Variants in ERO1A observed in about 807,000 individuals in gnomAD.
ERO1A encodes endoplasmic reticulum oxidoreductase 1 alpha.
A neutral mutation model predicts 76.9 loss-of-function variants in ERO1A; 49 were observed. That is an observed-to-expected ratio of 0.64 (90% CI 0.51 to 0.81). The LOEUF (loss-of-function observed/expected upper bound fraction) is 0.81. ERO1A is among the 30% of genes least tolerant of loss of function. ERO1A has a pLI of 0.00. For synonymous variants in ERO1A, 174 were observed against 181.2 expected, an observed-to-expected ratio of 0.96 and a Z score of 0.32; for missense variants, 448 against 542.1, an observed-to-expected ratio of 0.83 and a Z score of 1.72.
At chr14:52,672,330 C>A (rs1046187762) in intron 4 of ERO1A, 1 of 152,198 alleles carries the variant, frequency 6.6e-6, no homozygotes, top group Non-Finnish European at 1.5e-5. Flanking sequence ...AACATTCTCT[C>A]TTTAGGTAAA....
intron 11 of ERO1A, among the ~76,000 whole-genome samples, chr14:52,655,423 T>C (rs530234515): frequency 2.0e-5 from 3 of 152,290 alleles, no homozygotes; most frequent in South Asian, 2.1e-4. Flanking sequence ...AGAAAATATA[T>C]CATAGAAATT....
At position 52,642,626 on chromosome 14, in the gene ERO1A, G is replaced by C. The variant is rs1166960780; in HGVS notation, c.*944C>G. ...CTATAACTGACTTTCAAATGATTGA[G>C]GAAAAATTTGTGTGTGTGTGTGTGT... On this transcript the variant is annotated 3_prime_UTR_variant, in exon 16 of 16. Transcript: ENST00000395686. 1 of 151,970 alleles carries C rather than the reference G, an allele frequency of 6.6e-6. No homozygotes were observed. The highest frequency in any genetic ancestry group is 2.4e-5 in the African/African-American group (1 of 41,174). 9.4% of individuals were successfully genotyped at this position (151,970 alleles called of 1,614,324 possible). A position where few individuals can be genotyped will look rare whatever the true frequency, so the allele number is the denominator to read the frequency against.
chr14:52,688,112 G>A (rs768449902), intron 1 of ERO1A, among the ~76,000 whole-genome samples: 83 of 152,030 alleles, frequency 5.5e-4, no homozygotes, highest in Non-Finnish European at 9.4e-4. Flanking sequence ...CTTGAGCCAG[G>A]GAGGTTGAGG....
At chr14:52,665,068 G>A (rs1463438775) in intron 7 of ERO1A, among the ~76,000 whole-genome samples, 2 of 151,812 alleles carry the variant, frequency 1.3e-5, no homozygotes, top group South Asian at 2.1e-4. Flanking sequence ...TTGGGAGGCC[G>A]AGGTGGGTGG....
At chr14:52,689,494 T>G (rs2041286095) in intron 1 of ERO1A, among the ~76,000 whole-genome samples, 1 of 151,630 alleles carries the variant, frequency 6.6e-6, no homozygotes, top group Admixed American at 6.6e-5. Context: ...ACACTAACAA[T>G]GAACTATCCA....
At chr14:52,670,320 A>G (rs1482956531) in intron 6 of ERO1A, among the ~76,000 whole-genome samples, 1 of 152,262 alleles carries the variant, frequency 6.6e-6, no homozygotes, top group Admixed American at 6.5e-5. Flanking sequence ...AACTTAGAAA[A>G]AGGAAATACT....
At position 52,671,693 on chromosome 14, in the gene ERO1A, G is replaced by A; in HGVS notation, c.445C>T (p.Gln149Ter). 1 of 1,604,442 alleles carries A rather than the reference G, an allele frequency of 6.2e-7. No homozygotes were observed. Among genetic ancestry groups the A allele is most frequent in the African/African-American group, 1.3e-5 (1 of 74,828 alleles). Residue 149 changes from glutamine to a stop codon, truncating the protein, a stop_gained, in exon 6 of 16, where the codon CAG becomes TAG. Coordinates refer to ENST00000395686, the MANE Select transcript of ERO1A (RefSeq NM_014584.3). LOFTEE classifies it high-confidence loss of function. ...AVDESLSEET[Q>*]KAVLQWTKHD... ...TTGGTCCACTGAAGAACAGCCTTCT[G>A]TGTTTCCTCACTTCAAACAAAGAAA...
chr14:52,644,841 C>G (rs1035005787), intron 15 of ERO1A, among the ~76,000 whole-genome samples: 1 of 152,008 alleles, frequency 6.6e-6, no homozygotes, highest in Non-Finnish European at 1.5e-5. Flanking sequence ...ACAGAATAAT[C>G]AATGAAATAT....
rs71267893 is a variant in ERO1A at position 52,677,864 on chromosome 14, TAAAAAAAAAAA to T, written c.357+559_357+569del. 6.9e-5 allele frequency among the ~76,000 whole-genome samples: 6 copies of T among 87,138 alleles called. No individual in the cohort carries two copies. The South Asian group carries it at 2.2e-3, about 32-fold the overall frequency. 57.2% of individuals were successfully genotyped at this position (87,138 alleles called of 152,430 possible). A position where few individuals can be genotyped will look rare whatever the true frequency, so the allele number is the denominator to read the frequency against. Reference sequence around the variant, plus strand: ...GACAACAGAGCCAGACCTTTTATCTTAAAAAAAAAAAAAAAAAAAAAAAAAATTAAAGAACT... The same window carrying T: ...GACAACAGAGCCAGACCTTTTATCTTAAAAAAAAAAAAAAATTAAAGAACT... On this transcript the variant is annotated intron_variant, in intron 4 of 15. Transcript: ENST00000395686.
Position 52,693,293 on chromosome 14 carries a change from A to G in ERO1A, c.114+2075T>C, listed in dbSNP as rs116026650. 5.2e-3 allele frequency among the ~76,000 whole-genome samples: 794 copies of G among 152,156 alleles called. 15 individuals carry two copies. The highest frequency in any genetic ancestry group is 0.018 in the African/African-American group (756 of 41,498). ...AATCTAATCACCTGCCAGCATGGCT[A>G]GAATATAAGCAGGCAGAAAAACGTG... is the stretch of plus-strand genomic sequence containing the variant. On this transcript the variant is annotated intron_variant, in intron 1 of 15. Transcript: ENST00000395686.
chr14:52,695,398 C>CG lies in ERO1A; in HGVS notation c.83dup (p.Glu29GlyfsTer12). 6.5e-7 allele frequency: 1 copy of CG among 1,535,752 alleles called. No individual in the cohort carries two copies. ...AGAAGCACCTCTGTGCCGCTGTCTC[C>CG]GGGGGCTGCTCCTCTCCGTGGCCCG... is the stretch of plus-strand genomic sequence containing the variant. On this transcript the variant is annotated frameshift_variant, in exon 1 of 16. Coordinates refer to ENST00000395686, the MANE Select transcript of ERO1A (RefSeq NM_014584.3). LOFTEE classifies it high-confidence loss of function.
chr14:52,692,011 T>C (rs895372084), intron 1 of ERO1A, among the ~76,000 whole-genome samples: 3 of 152,258 alleles, frequency 2.0e-5, no homozygotes, highest in Non-Finnish European at 1.5e-5. Flanking sequence ...CAGGCATATG[T>C]AGCAACTGAC....
intron 4 of ERO1A, 64 bp from the exon 5 acceptor site, chr14:52,671,935 T>C: frequency 3.6e-6 from 4 of 1,110,722 alleles, no homozygotes; most frequent in Non-Finnish European, 5.3e-6. Context: ...GTTTAAAATT[T>C]AGAAGTTATC....
intron 13 of ERO1A, among the ~76,000 whole-genome samples, chr14:52,651,476 G>A (rs1426874288): frequency 8.2e-6 from 1 of 122,588 alleles, no homozygotes; most frequent in Non-Finnish European, 1.8e-5. Context: ...AATGTGAAAG[G>A]CATCTAGAAA....
At position 52,646,355 on chromosome 14, in the gene ERO1A, G is replaced by A. The variant is rs545816292; in HGVS notation, c.1212+20C>T. On this transcript the variant is annotated intron_variant, in intron 14 of 15. Transcript: ENST00000395686. ...CATGCAAAGGGTAAATGAGAAATAG[G>A]AATGACTAAATTTGCTTACCTGAAG... The A allele has an allele frequency of 3.7e-6, 6 of 1,606,574 alleles. No individual in the cohort carries two copies. Among genetic ancestry groups the A allele is most frequent in the Non-Finnish European group, 5.1e-6 (6 of 1,177,090 alleles).
At chr14:52,684,003 A>C in intron 1 of ERO1A, 96 bp from the exon 2 acceptor site, 1 of 853,372 alleles carries the variant, frequency 1.2e-6, no homozygotes. Context: ...CCCCTACTCA[A>C]CCAGTCCTTA....
chr14:52,689,886 C>A (rs2041298401), intron 1 of ERO1A, among the ~76,000 whole-genome samples: 1 of 152,156 alleles, frequency 6.6e-6, no homozygotes, highest in Admixed American at 6.5e-5. Context: ...AATTATATTA[C>A]AAAGCTACAG....
At chr14:52,665,282 G>A (rs553806379) in intron 7 of ERO1A, among the ~76,000 whole-genome samples, 32 of 131,464 alleles carry the variant, frequency 2.4e-4, no homozygotes, top group Non-Finnish European at 3.8e-4. Flanking sequence ...GGGCAACAGA[G>A]TGAGACTTCA....
At chr14:52,694,953 C>T (rs550056211) in intron 1 of ERO1A, among the ~76,000 whole-genome samples, 1 of 152,356 alleles carries the variant, frequency 6.6e-6, no homozygotes, top group African/African-American at 2.4e-5. Flanking sequence ...GCCAGAAAGG[C>T]TGGCGAAATG....
Sources: gnomAD v4.1 joint callset for allele counts (sites outside exome capture counted in the v4.1 genomes callset) on GRCh38, gnomAD v4.1.1 for gene constraint, MANE v1.5 for transcripts, NCBI Gene and HGNC (gene_info 2026-07-23, HGNC 2026-07-21) for gene names.